RAD51B: variants seen among roughly 807,000 people sequenced by gnomAD.
RAD51B encodes the protein RAD51 paralog B.
Under a neutral mutation model 42.2 loss-of-function variants are expected in RAD51B, and 38 were observed. That is an observed-to-expected ratio of 0.90 (90% CI 0.70 to 1.18). The LOEUF (loss-of-function observed/expected upper bound fraction) is 1.18, where lower values mean the gene tolerates loss of function less well. RAD51B is among the 50% of genes most tolerant of loss of function. The pLI is 0.00. For missense variants in RAD51B, 373 were observed against 400.7 expected (o/e 0.93, Z 0.59); for synonymous variants, 154 against 145.2 (o/e 1.06, Z -0.43).
chr14:67,992,999 T>C (rs1443867697), intron 7 of RAD51B, among the ~76,000 whole-genome samples: 2 of 152,178 alleles, frequency 1.3e-5, no homozygotes, highest in Non-Finnish European at 2.9e-5. Context: ...AGTTGATATA[T>C]ACTATAGTTT....
chr14:68,087,982 A>G (rs1269528095), intron 7 of RAD51B, among the ~76,000 whole-genome samples: 4 of 128,470 alleles, frequency 3.1e-5, no homozygotes, highest in African/African-American at 1.2e-4. Flanking sequence ...ATATATAATT[A>G]TATAATATAT....
chr14:68,064,047 G>T (rs2076611020), intron 7 of RAD51B, among the ~76,000 whole-genome samples: 1 of 152,046 alleles, frequency 6.6e-6, no homozygotes, highest in Admixed American at 6.5e-5. Context: ...CACTGTCAGT[G>T]TTTTATGCTT....
At chr14:68,399,507 T>G (rs1198610376) in intron 8 of RAD51B, among the ~76,000 whole-genome samples, 1 of 152,204 alleles carries the variant, frequency 6.6e-6, no homozygotes, top group Non-Finnish European at 1.5e-5. Flanking sequence ...TCCACCCGCC[T>G]TGGCCTCCCA....
rs180886338 is a variant in RAD51B at position 68,291,051 on chromosome 14, G to A, written c.757-833G>A. ...TCAAACTCCTGACCTCAGGCGATTC[G>A]CCCGCCTCAGCCTCCCAAAGTGCTG... On this transcript the variant is annotated intron_variant, in intron 7 of 10. Coordinates refer to ENST00000471583, the MANE Select transcript of RAD51B (RefSeq NM_133510.4). Among the ~76,000 whole-genome samples, 785 of 151,948 alleles carry A rather than the reference G, an allele frequency of 5.2e-3. 5 individuals are homozygous for A. Among genetic ancestry groups the A allele is most frequent in the African/African-American group, 0.016 (650 of 41,518 alleles).
intron 10 of RAD51B, among the ~76,000 whole-genome samples, chr14:68,538,718 C>G (rs1446378319): frequency 1.3e-5 from 2 of 151,300 alleles, no homozygotes; most frequent in Admixed American, 6.6e-5. Context: ...TTTCTGATTT[C>G]TCTTTTTTAA....
At chr14:68,388,448 A>G (rs2083657460) in intron 8 of RAD51B, among the ~76,000 whole-genome samples, 1 of 152,190 alleles carries the variant, frequency 6.6e-6, no homozygotes, top group South Asian at 2.1e-4. Flanking sequence ...ACAGCAACAT[A>G]AATCTTCCCA....
intron 7 of RAD51B, among the ~76,000 whole-genome samples, chr14:67,920,773 C>T (rs1595108823): frequency 6.6e-6 from 1 of 152,146 alleles, no homozygotes; most frequent in East Asian, 1.9e-4. Context: ...TTCCCACCCT[C>T]CGATAATGCT....
chr14:68,464,504 G>T (rs561285021), intron 9 of RAD51B, among the ~76,000 whole-genome samples: 2 of 152,270 alleles, frequency 1.3e-5, no homozygotes, highest in East Asian at 1.9e-4. Flanking sequence ...CATATTTGTT[G>T]TATGGGTGTA....
At chr14:68,356,506 A>T (rs937472398) in intron 8 of RAD51B, among the ~76,000 whole-genome samples, 1 of 151,066 alleles carries the variant, frequency 6.6e-6, no homozygotes, top group Non-Finnish European at 1.5e-5. Flanking sequence ...TATATTTTTT[A>T]AAAACAATAT....
rs77620022 is a variant in RAD51B, at chr14:68,123,429, C to T, written c.757-168455C>T. Among the ~76,000 whole-genome samples, 1,347 of 152,166 alleles carry T rather than the reference C, an allele frequency of 8.9e-3. 36 individuals are homozygous for T. Among genetic ancestry groups the T allele is most frequent in the East Asian group, 0.069 (356 of 5,164 alleles). On this transcript the variant is annotated intron_variant, in intron 7 of 10. Transcript: ENST00000471583. ...CTGGTCTTGAATTCCTGGGCTCAAG[C>T]AGTCTTCCCACCTTGGCCTCCCAAA...
chr14:68,228,792 A>C (rs578018383), intron 7 of RAD51B, among the ~76,000 whole-genome samples: 4 of 152,308 alleles, frequency 2.6e-5, no homozygotes, highest in African/African-American at 9.6e-5. Context: ...TCAAGCCACT[A>C]TTTCTTGACT....
At chr14:68,070,029 A>C (rs1438035283) in intron 7 of RAD51B, among the ~76,000 whole-genome samples, 3 of 151,994 alleles carry the variant, frequency 2.0e-5, no homozygotes, top group Non-Finnish European at 4.4e-5. Context: ...CATTTCCCTA[A>C]TGGTTAGTGT....
At chr14:67,857,149 A>G (rs2042022217) in intron 4 of RAD51B, among the ~76,000 whole-genome samples, 1 of 152,210 alleles carries the variant, frequency 6.6e-6, no homozygotes, top group South Asian at 2.1e-4. Flanking sequence ...CCCACTAAAT[A>G]AACCTGAAAA....
chr14:68,280,719 A>G (rs766907060), intron 7 of RAD51B, among the ~76,000 whole-genome samples: 11 of 152,204 alleles, frequency 7.2e-5, no homozygotes, highest in Non-Finnish European at 4.4e-5. Context: ...CACAAATGAC[A>G]TAAAAAGTCT....
At chr14:68,080,300 T>C (rs2076894163) in intron 7 of RAD51B, among the ~76,000 whole-genome samples, 1 of 152,244 alleles carries the variant, frequency 6.6e-6, no homozygotes, top group East Asian at 1.9e-4. Flanking sequence ...TTTCTGTCCA[T>C]ACTTCTGATT....
At chr14:68,074,853 T>G (rs913167477) in intron 7 of RAD51B, among the ~76,000 whole-genome samples, 3 of 152,220 alleles carry the variant, frequency 2.0e-5, no homozygotes, top group African/African-American at 7.2e-5. Flanking sequence ...TGCTTAAACA[T>G]AATGGCCTGT....
chr14:68,340,744 G>A (rs1403800683), intron 8 of RAD51B, among the ~76,000 whole-genome samples: 1 of 152,200 alleles, frequency 6.6e-6, no homozygotes, highest in Admixed American at 6.5e-5. Context: ...GAGGTTGAAG[G>A]GGAGGTTTTC....
intron 7 of RAD51B, among the ~76,000 whole-genome samples, chr14:68,258,431 A>ACACACACACTCT (rs1555382630): frequency 4.0e-5 from 6 of 148,996 alleles, no homozygotes; most frequent in Non-Finnish European, 7.4e-5. Flanking sequence ...ACACACACAC[A>ACACACACACTCT]CTCTCTCTCT....
intron 7 of RAD51B, among the ~76,000 whole-genome samples, chr14:67,911,416 T>C (rs990772729): frequency 1.3e-5 from 2 of 152,208 alleles, no homozygotes; most frequent in African/African-American, 4.8e-5. Flanking sequence ...TACACCACTT[T>C]GAGTTGGATT....
Sources: gnomAD v4.1 joint callset for allele counts (sites outside exome capture counted in the v4.1 genomes callset) on GRCh38, gnomAD v4.1.1 for gene constraint, MANE v1.5 for transcripts, NCBI Gene and HGNC (gene_info 2026-07-23, HGNC 2026-07-21) for gene names.